Variants in ZFHX3 observed in about 807,000 individuals in gnomAD.
The protein encoded by ZFHX3 is zinc finger homeobox protein 3.
Under a neutral mutation model 279.1 loss-of-function variants are expected in ZFHX3, and 42 were observed. That is an observed-to-expected ratio of 0.15 (90% confidence interval 0.12 to 0.19). ZFHX3 has a LOEUF of 0.19. Ranked by LOEUF, ZFHX3 falls within the 10% of genes least tolerant of loss-of-function variation. ZFHX3 has a pLI of 1.00. For missense variants in ZFHX3, 4,981 were observed against 4,754.0 expected, an observed-to-expected ratio of 1.05 and a Z score of -1.40; for synonymous variants, 2,293 against 1,957.8, an observed-to-expected ratio of 1.17 and a Z score of -4.52.
At position 72,785,873 on chromosome 16, in the gene ZFHX3, GA is replaced by G. The variant is rs1260485423; in HGVS notation, c.*1290del. ...AAAAAATAAATGCACAAAGCTAACA[GA>G]CACAGGTAACTAGAATTATATGCCT... On this transcript the variant is annotated 3_prime_UTR_variant, in exon 10 of 10. Coordinates refer to ENST00000268489, the MANE Select transcript of ZFHX3 (RefSeq NM_006885.4). The G allele has an allele frequency of 1.3e-5, 2 of 152,168 alleles. No homozygotes were observed. Among genetic ancestry groups the G allele is most frequent in the African/African-American group, 2.4e-5 (1 of 41,450 alleles). The allele number at this position is 152,168 out of a possible 1,614,324, so 9.4% of individuals were successfully genotyped here.
chr16:73,873,966 A>G (rs1848226965), intron 1 of ZFHX3, among the ~76,000 whole-genome samples: 1 of 152,210 alleles, frequency 6.6e-6, no homozygotes, highest in Non-Finnish European at 1.5e-5. Context: ...GAGAGGAAAA[A>G]AAAGTAAGAA....
At chr16:73,476,074 G>T (rs892277471) in intron 2 of ZFHX3, among the ~76,000 whole-genome samples, 5 of 152,008 alleles carry the variant, frequency 3.3e-5, no homozygotes, top group African/African-American at 1.2e-4. Context: ...TAATTTGTTC[G>T]GTTCTTTTCT....
chr16:73,705,665 C>T (rs1301547833), intron 1 of ZFHX3, among the ~76,000 whole-genome samples: 1 of 152,172 alleles, frequency 6.6e-6, no homozygotes, highest in African/African-American at 2.4e-5. Flanking sequence ...CACTGAGTTG[C>T]CCTGCCCTGT....
At chr16:73,766,566 A>C in intron 1 of ZFHX3, among the ~76,000 whole-genome samples, 1 of 152,318 alleles carries the variant, frequency 6.6e-6, no homozygotes, top group South Asian at 2.1e-4. Flanking sequence ...TAAAGAAGAA[A>C]CTTAGAAAAC....
chr16:73,603,682 G>A (rs746570388), intron 2 of ZFHX3, among the ~76,000 whole-genome samples: 4 of 151,598 alleles, frequency 2.6e-5, no homozygotes, highest in South Asian at 2.1e-4. Flanking sequence ...GCCAACACTC[G>A]GAGAAAGAAT....
rs139899558 is a variant in ZFHX3 at position 73,291,809 on chromosome 16, T to C, written c.-1194+26431A>G. Reference sequence around the variant, plus strand: ...GATCATTCTACATGAGAGATCTATATAAACTGCCAAGGTTAATAGGGCCTG... The same window carrying C: ...GATCATTCTACATGAGAGATCTATACAAACTGCCAAGGTTAATAGGGCCTG... On this transcript the variant is annotated intron_variant, in intron 4 of 17. Coordinates refer to the ZFHX3 transcript ENST00000641206. 5.3e-3 allele frequency among the ~76,000 whole-genome samples: 800 copies of C among 152,318 alleles called. 7 individuals are homozygous for C. The highest frequency in any genetic ancestry group is 0.018 in the African/African-American group (769 of 41,572).
intron 4 of ZFHX3, among the ~76,000 whole-genome samples, chr16:73,312,390 A>AG (rs2015347509): frequency 6.6e-6 from 1 of 152,002 alleles, no homozygotes. Context: ...CCAAACACAA[A>AG]GAAAAAAAAA....
intron 2 of ZFHX3, among the ~76,000 whole-genome samples, chr16:73,484,301 A>G (rs944081206): frequency 5.9e-5 from 9 of 152,158 alleles, no homozygotes; most frequent in South Asian, 2.1e-4. Context: ...ACTCCCAAAG[A>G]GTCTAAAGTT....
intron 2 of ZFHX3, among the ~76,000 whole-genome samples, chr16:73,596,507 C>A (rs1339479889): frequency 6.6e-6 from 1 of 152,116 alleles, no homozygotes; most frequent in African/African-American, 2.4e-5. Flanking sequence ...CACTCTTCCT[C>A]CTGCAAGAGG....
chr16:73,021,830 C>CAAAA (rs60811631), intron 1 of ZFHX3, among the ~76,000 whole-genome samples: 3 of 71,798 alleles, frequency 4.2e-5, no homozygotes, highest in African/African-American at 5.6e-5. Context: ...GACTCCATCT[C>CAAAA]AAAAAAAAAA....
At chr16:73,136,660 G>T (rs1288363449) in intron 6 of ZFHX3, among the ~76,000 whole-genome samples, 1 of 147,278 alleles carries the variant, frequency 6.8e-6, no homozygotes, top group Non-Finnish European at 1.5e-5. Flanking sequence ...AGGAGGCAGA[G>T]GTTGCAGTGA....
intron 1 of ZFHX3, among the ~76,000 whole-genome samples, chr16:73,839,068 G>T (rs1404805095): frequency 6.6e-6 from 1 of 151,856 alleles, no homozygotes; most frequent in East Asian, 1.9e-4. Flanking sequence ...AATGTCAGTG[G>T]GTACTTGCAG....
At chr16:73,037,048 C>T (rs781039040) in intron 1 of ZFHX3, among the ~76,000 whole-genome samples, 19 of 152,240 alleles carry the variant, frequency 1.2e-4, no homozygotes, top group Non-Finnish European at 2.5e-4. Flanking sequence ...CCTCACCCCA[C>T]CCTCCCATCA....
At chr16:73,085,151 A>G (rs1439383238) in intron 8 of ZFHX3, among the ~76,000 whole-genome samples, 1 of 152,250 alleles carries the variant, frequency 6.6e-6, no homozygotes, top group Non-Finnish European at 1.5e-5. Flanking sequence ...CTACAAAGCC[A>G]TAGTAACCAA....
At chr16:73,866,495 C>T (rs1016139401) in intron 1 of ZFHX3, among the ~76,000 whole-genome samples, 5 of 151,948 alleles carry the variant, frequency 3.3e-5, no homozygotes, top group African/African-American at 1.2e-4. Context: ...GACAAATGCC[C>T]GTCACTCCCA....
chr16:73,522,904 G>A (rs1279803292), intron 2 of ZFHX3, among the ~76,000 whole-genome samples: 1 of 152,080 alleles, frequency 6.6e-6, no homozygotes, highest in African/African-American at 2.4e-5. Context: ...TGAGTGAAGC[G>A]GGGCATGGGG....
chr16:73,139,346 T>C (rs927138829), intron 6 of ZFHX3, among the ~76,000 whole-genome samples: 1 of 152,174 alleles, frequency 6.6e-6, no homozygotes, highest in South Asian at 2.1e-4. Flanking sequence ...AACATATGTA[T>C]ATGTGCATGC....
intron 3 of ZFHX3, among the ~76,000 whole-genome samples, chr16:72,897,423 G>A (rs957604767): frequency 2.0e-5 from 3 of 151,990 alleles, no homozygotes; most frequent in East Asian, 1.9e-4. Context: ...CTGTGGGTGC[G>A]GCATCTACAC....
At chr16:73,286,767 G>A (rs1299862810) in intron 4 of ZFHX3, among the ~76,000 whole-genome samples, 1 of 149,928 alleles carries the variant, frequency 6.7e-6, no homozygotes, top group Non-Finnish European at 1.5e-5. Flanking sequence ...AAGTGGGTTG[G>A]TGTGTGGCTG....
Sources: allele counts gnomAD v4.1 joint callset (sites outside exome capture counted in the v4.1 genomes callset), GRCh38; gene constraint gnomAD v4.1.1; transcripts MANE v1.5; gene names NCBI Gene and HGNC (gene_info 2026-07-23, HGNC 2026-07-21).